The following MAEA variants were observed in gnomAD, a reference collection of about 807,000 sequenced individuals.
MAEA encodes the protein E3 ubiquitin-protein transferase MAEA.
Under a neutral mutation model 46.2 loss-of-function variants are expected in MAEA, and 22 were observed. That is an observed-to-expected ratio of 0.48 (90% CI 0.34 to 0.68). MAEA has a LOEUF of 0.68. Among genes scored for constraint, MAEA ranks in the 30% least tolerant of loss-of-function variants. The pLI, the probability that MAEA is intolerant of heterozygous loss-of-function variation, is 0.01. For synonymous variants in MAEA, 246 were observed against 222.6 expected (o/e 1.11, Z -0.94); for missense variants, 393 against 558.1 (o/e 0.70, Z 2.98).
At chr4:1,306,472 G>C (rs189532191) in intron 1 of MAEA, among the ~76,000 whole-genome samples, 1 of 152,110 alleles carries the variant, frequency 6.6e-6, no homozygotes, top group East Asian at 1.9e-4. Flanking sequence ...CCGAGATCAC[G>C]CTATTGCACT....
intron 4 of MAEA, 83 bp downstream of exon 4, chr4:1,322,586 G>T: frequency 6.4e-7 from 1 of 1,561,622 alleles, no homozygotes. Flanking sequence ...CCCCTTGCCT[G>T]GTGGTTCACA....
At chr4:1,323,717 C>T in intron 4 of MAEA, 1 of 670,724 alleles carries the variant, frequency 1.5e-6, no homozygotes, top group East Asian at 2.7e-5. Context: ...CTGTGGATGT[C>T]AGAGGGAAGA....
At chr4:1,325,510 A>G (rs943979064) in intron 4 of MAEA, among the ~76,000 whole-genome samples, 4 of 152,190 alleles carry the variant, frequency 2.6e-5, no homozygotes, top group African/African-American at 4.8e-5. Context: ...TGTTATTGAA[A>G]AGCAGGTTTG....
rs572521651 is a variant in MAEA at position 1,315,719 on chromosome 4, C to A, written c.456+119C>A. 4.3e-5 allele frequency: 35 copies of A among 819,796 alleles called. 1 individual carries two copies. In the East Asian group the frequency reaches 9.0e-4, roughly 21 times the overall value. The allele number at this position is 819,796 out of a possible 1,614,324, so 50.8% of individuals were successfully genotyped here. A position where few individuals can be genotyped will look rare whatever the true frequency, so the allele number is the denominator to read the frequency against. On this transcript the variant is annotated intron_variant, in intron 3 of 8. Transcript: ENST00000303400. ...CTACATGCTTGTGTTCCCCTCCCCC[C>A]ACCCCCGTATGCTTGTGTTCCCCTC...
intron 1 of MAEA, among the ~76,000 whole-genome samples, chr4:1,291,535 G>A (rs1734107991): frequency 6.6e-6 from 1 of 152,290 alleles, no homozygotes; most frequent in South Asian, 2.1e-4. Flanking sequence ...ATATTAGTAG[G>A]GAGTCCTAAC....
rs191152392 is a variant in MAEA, at chr4:1,290,775, G to C, written c.69+793G>C. On this transcript the variant is annotated intron_variant, in intron 1 of 8. Transcript: ENST00000303400. ...CTGGTGTTCACGTCCGTCTGAGGAC[G>C]GACGGTGTGGCGACAGGTGTGGAGG... Among the ~76,000 whole-genome samples the C allele has an allele frequency of 7.4e-4, 112 of 152,330 alleles. 2 individuals carry two copies. The East Asian group carries it at 0.021, about 28-fold the overall frequency.
At chr4:1,319,737 C>CT (rs1310142792) in intron 3 of MAEA, among the ~76,000 whole-genome samples, 1 of 80,008 alleles carries the variant, frequency 1.2e-5, no homozygotes, top group African/African-American at 6.7e-5. Context: ...GAGACCCTGT[C>CT]TCAAAAAAAA....
At chr4:1,309,553 G>C (rs1047664338) in intron 1 of MAEA, 110 of 1,447,452 alleles carry the variant, frequency 7.6e-5, no homozygotes, top group Non-Finnish European at 9.8e-5. Flanking sequence ...ACTCAGATTG[G>C]ATAGCCCCGG....
intron 5 of MAEA, chr4:1,330,310 T>TTCTCTCTCTCTCTCTCTCTCTCTCTCTC (rs138157261): frequency 5.4e-5 from 7 of 130,242 alleles, no homozygotes; most frequent in African/African-American, 2.6e-4. Flanking sequence ...TTCTGGGTGT[T>TTCTCTCTCTCTCTCTCTCTCTCTCTCTC]TCTCTCTCTC....
chr4:1,322,889 C>T (rs1347309471), intron 4 of MAEA, among the ~76,000 whole-genome samples: 6 of 146,440 alleles, frequency 4.1e-5, no homozygotes, highest in Non-Finnish European at 7.4e-5. Flanking sequence ...GGAAGTCATT[C>T]TCCATCTGCG....
intron 1 of MAEA, among the ~76,000 whole-genome samples, chr4:1,303,105 C>T (rs1323662747): frequency 3.3e-5 from 5 of 151,456 alleles, no homozygotes; most frequent in Admixed American, 6.6e-5. Context: ...ATGTCATCCT[C>T]GGGCCGGGTG....
At chr4:1,300,129 G>A (rs890639508) in intron 1 of MAEA, among the ~76,000 whole-genome samples, 2 of 152,120 alleles carry the variant, frequency 1.3e-5, no homozygotes, top group Admixed American at 6.6e-5. Flanking sequence ...CAGCCAGTTA[G>A]AACACATCCC....
chr4:1,323,420 T>C (rs1029314375), intron 4 of MAEA: 1 of 696,338 alleles, frequency 1.4e-6, no homozygotes, highest in Non-Finnish European at 2.6e-6. Flanking sequence ...AACTGAGCGC[T>C]GCTTTAACCT....
chr4:1,297,381 G>A (rs1325921518), intron 1 of MAEA, among the ~76,000 whole-genome samples: 1 of 151,356 alleles, frequency 6.6e-6, no homozygotes, highest in East Asian at 1.9e-4. Flanking sequence ...ATCCTCCCAA[G>A]CGTTTACACT....
chr4:1,304,349 G>A (rs1478903077), intron 1 of MAEA, among the ~76,000 whole-genome samples: 1 of 152,014 alleles, frequency 6.6e-6, no homozygotes, highest in Non-Finnish European at 1.5e-5. Context: ...GCCCAGGCTG[G>A]TCTCCAACTC....
At chr4:1,293,165 C>CCAACA (rs1172452230) in intron 1 of MAEA, among the ~76,000 whole-genome samples, 1 of 151,930 alleles carries the variant, frequency 6.6e-6, no homozygotes, top group African/African-American at 2.4e-5. Flanking sequence ...ATGCATAGTT[C>CCAACA]ACCATCTTGA....
intron 3 of MAEA, among the ~76,000 whole-genome samples, chr4:1,321,714 C>T (rs1738134820): frequency 6.6e-6 from 1 of 152,088 alleles, no homozygotes; most frequent in Admixed American, 6.6e-5. Context: ...TGAGCGCTTG[C>T]CCCAAGCCTT....
At chr4:1,314,219 C>T (rs1481407228) in intron 2 of MAEA, among the ~76,000 whole-genome samples, 3 of 145,362 alleles carry the variant, frequency 2.1e-5, no homozygotes, top group South Asian at 2.2e-4. Flanking sequence ...CCCAGCTACT[C>T]GGGAGGCTGA....
rs866619199 is a variant in MAEA, at chr4:1,311,494, C to T, written c.70-485C>T. On this transcript the variant is annotated intron_variant, in intron 1 of 8. Coordinates refer to ENST00000303400, the MANE Select transcript of MAEA (RefSeq NM_001017405.3). This position sits in a 1 kb window ranked among gnomAD's most constrained non-coding sequence, Gnocchi z 4.4. Reference sequence around the variant, plus strand: ...GGTCGTGCACTTGTGGCTTCCCGTGCGTGTGTGAGGCTTGCTGTGCCCAAC... The same window carrying T: ...GGTCGTGCACTTGTGGCTTCCCGTGTGTGTGTGAGGCTTGCTGTGCCCAAC... Among the ~76,000 whole-genome samples, 9 of 152,282 alleles carry T rather than the reference C, an allele frequency of 5.9e-5. No homozygotes were observed. The highest frequency in any genetic ancestry group is 3.4e-3 in the Middle Eastern group (1 of 294).
Sources: allele counts gnomAD v4.1 joint callset (sites outside exome capture counted in the v4.1 genomes callset), GRCh38; gene constraint gnomAD v4.1.1; non-coding constraint Gnocchi (gnomAD v3.1); transcripts MANE v1.5; gene names NCBI Gene and HGNC (gene_info 2026-07-23, HGNC 2026-07-21).